Variants in PISD observed in about 807,000 individuals in gnomAD.
The protein encoded by PISD is phosphatidylserine decarboxylase, also known as phosphatidylserine decarboxylase proenzyme, mitochondrial.
Under a neutral mutation model 43.5 loss-of-function variants are expected in PISD, and 31 were observed. That is an observed-to-expected ratio of 0.71 (90% CI 0.54 to 0.96). The LOEUF is 0.96. Among genes scored for constraint, PISD ranks in the 40% least tolerant of loss-of-function variants. The probability of loss-of-function intolerance (pLI) is 0.00; values close to 1 mark genes in which losing one functional copy is unlikely to be tolerated. For synonymous variants in PISD, 259 were observed against 228.7 expected, an observed-to-expected ratio of 1.13 and a Z score of -1.20; for missense variants, 523 against 548.4, an observed-to-expected ratio of 0.95 and a Z score of 0.46.
chr22:31,624,387 C>T (rs539584054), intron 3 of PISD, among the ~76,000 whole-genome samples: 1 of 152,314 alleles, frequency 6.6e-6, no homozygotes, highest in Admixed American at 6.5e-5. Context: ...CTTCCGCTAC[C>T]ATCCTTTGCA....
intron 1 of PISD, among the ~76,000 whole-genome samples, chr22:31,653,154 G>A (rs1021545046): frequency 6.6e-6 from 1 of 151,454 alleles, no homozygotes; most frequent in Non-Finnish European, 1.5e-5. Context: ...TTACCATGAC[G>A]AGCACCACCC....
Position 31,621,540 on chromosome 22 carries a change from C to T in PISD, c.559-68G>A, listed in dbSNP as rs765439843. 1.2e-4 allele frequency: 188 copies of T among 1,604,048 alleles called. 1 individual carries two copies. Among genetic ancestry groups the T allele is most frequent in the Non-Finnish European group, 1.5e-4 (180 of 1,173,666 alleles). On this transcript the variant is annotated intron_variant, in intron 4 of 7. Transcript: ENST00000439502. The stretch of plus-strand genomic sequence containing the variant: ...TCCTCCCCCCAGGAGACAGCCCCCA[C>T]CTCCCCTTGTCATCCTGCCCCTTCC...
chr22:31,662,479 C>A, upstream of PISD: 1 of 518,156 alleles, frequency 1.9e-6, no homozygotes, highest in South Asian at 2.4e-5. Context: ...CCTCATGTAC[C>A]TGGAAAATCT....
chr22:31,640,575 GTTTTTTT>G (rs759964791), intron 3 of PISD, among the ~76,000 whole-genome samples: 3 of 91,270 alleles, frequency 3.3e-5, no homozygotes, highest in South Asian at 4.0e-4. Context: ...CGGTTTGGTT[GTTTTTTT>G]TTTTTTTTTT....
chr22:31,648,152 C>T lies in PISD; in HGVS notation c.270G>A (p.Glu90=). 1 of 1,612,510 alleles carries T rather than the reference C, an allele frequency of 6.2e-7. No individual in the cohort carries two copies. ...GAATCTCCAATCCCAGCTTCTCCAG[C>T]TCTCGCTCCCTGTACTTCTCATACT... is the stretch of plus-strand genomic sequence containing the variant. ...YRQYEKYRER[E]LEKLGLEIPP... The change falls in exon 3 of 8, where the codon GAG becomes GAA. Residue 90 remains glutamate (E), a synonymous_variant. Coordinates refer to ENST00000439502, the MANE Select transcript of PISD (RefSeq NM_001326411.2).
intron 1 of PISD, among the ~76,000 whole-genome samples, chr22:31,660,621 G>A (rs2074289958): frequency 6.6e-6 from 1 of 152,172 alleles, no homozygotes; most frequent in South Asian, 2.1e-4. Flanking sequence ...TCACACCACT[G>A]CACTCCCTCT....
At chr22:31,621,510 G>A (rs371186749) in intron 4 of PISD, 38 bp from the exon 5 acceptor site, 27 of 1,612,584 alleles carry the variant, frequency 1.7e-5, no homozygotes, top group Non-Finnish European at 2.2e-5. Flanking sequence ...AGGGAGAGCA[G>A]GGTCTCCTCC....
intron 7 of PISD, 65 bp from the exon 8 acceptor site, chr22:31,619,901 G>C: frequency 9.6e-7 from 1 of 1,037,378 alleles, no homozygotes; most frequent in Non-Finnish European, 1.4e-6. Context: ...ACCCCCACAT[G>C]TGTTTGGAGT....
In PISD at chr22:31,621,362, C is replaced by A; in HGVS notation, c.669G>T (p.Met223Ile). The change falls in exon 5 of 8, where the codon ATG becomes ATT. Residue 223 changes from methionine to isoleucine, a missense_variant. By Grantham distance (10) the Met-to-Ile change is conservative (BLOSUM62 1). Coordinates refer to ENST00000439502, the MANE Select transcript of PISD (RefSeq NM_001326411.2). ...YSLESFLGPR[M>I]CTEDLPFPPA... ...GTGGGAAGGGCAGGTCCTCTGTGCA[C>A]ATACGCGGGCCCAGGAACGACTCCA... The A allele has an allele frequency of 1.2e-6, 2 of 1,614,084 alleles. No homozygotes were observed. Among genetic ancestry groups the A allele is most frequent in the South Asian group, 2.2e-5 (2 of 91,088 alleles).
In PISD at chr22:31,630,838, C is replaced by G; in HGVS notation, c.322-8953G>C. 1.0e-6 allele frequency: 1 copy of G among 985,426 alleles called. No homozygotes were observed. Among genetic ancestry groups the G allele is most frequent in the Non-Finnish European group, 1.2e-6 (1 of 829,908 alleles). The allele number at this position is 985,426 out of a possible 1,614,324, so 61.0% of individuals were successfully genotyped here. A position where few individuals can be genotyped will look rare whatever the true frequency, so the allele number is the denominator to read the frequency against. ...GCTCCAGCTTCCGGGCTCCGACTCC[C>G]TAGGGGCGCTCCCGGAGCCGGGAAG... On this transcript the variant is annotated intron_variant, in intron 3 of 7. Transcript: ENST00000439502. This position sits in a 1 kb window ranked among gnomAD's most constrained non-coding sequence, Gnocchi z 4.4.
chr22:31,651,679 C>A (rs1177308532), intron 1 of PISD, among the ~76,000 whole-genome samples: 1 of 151,972 alleles, frequency 6.6e-6, no homozygotes, highest in Non-Finnish European at 1.5e-5. Context: ...ACCCGGGAGG[C>A]AGAGGTTGAG....
chr22:31,646,953 G>A (rs530002588), intron 3 of PISD, among the ~76,000 whole-genome samples: 32 of 152,200 alleles, frequency 2.1e-4, no homozygotes, highest in African/African-American at 7.5e-4. Context: ...GACATACAGG[G>A]CAAGAGCAGA....
intron 3 of PISD, chr22:31,628,276 T>G: frequency 2.6e-6 from 2 of 768,160 alleles, no homozygotes; most frequent in Non-Finnish European, 3.2e-6. Context: ...CCAAGCCACT[T>G]CCTTGGCCAG....
intron 3 of PISD, 137 bp from the exon 4 acceptor site, chr22:31,622,022 C>G: frequency 1.5e-6 from 1 of 670,118 alleles, no homozygotes; most frequent in Non-Finnish European, 2.6e-6. Flanking sequence ...AGGTGCCCCA[C>G]GCTGCTTTTG....
In PISD at chr22:31,619,567, C is replaced by CT; in HGVS notation, c.*44dup. On this transcript the variant is annotated 3_prime_UTR_variant, in exon 8 of 8. Coordinates refer to ENST00000439502, the MANE Select transcript of PISD (RefSeq NM_001326411.2). ...CCTCCCTCTTGAAAAGACCCTCACT[C>CT]TGTTTGGAAAAGATCCCTTAGCAGC... is the stretch of plus-strand genomic sequence containing the variant. The CT allele has an allele frequency of 6.5e-7, 1 of 1,528,034 alleles. No individual in the cohort carries two copies. Among genetic ancestry groups the CT allele is most frequent in the East Asian group, 2.3e-5 (1 of 44,392 alleles). The allele number at this position is 1,528,034 out of a possible 1,614,324, so 94.7% of individuals were successfully genotyped here. A position where few individuals can be genotyped will look rare whatever the true frequency, so the allele number is the denominator to read the frequency against.
At chr22:31,620,900 C>T (rs1433952979) in intron 6 of PISD, 96 bp downstream of exon 6, 9 of 1,451,554 alleles carry the variant, frequency 6.2e-6, no homozygotes. Context: ...GCCTCAATGA[C>T]CCTGATCTGG....
At position 31,636,039 on chromosome 22, in the gene PISD, C is replaced by T. The variant is rs922396605; in HGVS notation, c.321+12062G>A. On this transcript the variant is annotated intron_variant, in intron 3 of 7. Coordinates refer to ENST00000439502, the MANE Select transcript of PISD (RefSeq NM_001326411.2). ...CTATTTATAGATGAGAATAATAAAG[C>T]TACAGCATGTACATCGCTCACCAAC... is the stretch of plus-strand genomic sequence containing the variant. Among the ~76,000 whole-genome samples the T allele has an allele frequency of 3.3e-5, 5 of 152,334 alleles. No individual in the cohort carries two copies. In the East Asian group the frequency reaches 9.6e-4, roughly 29 times the overall value.
chr22:31,625,666 C>T lies in PISD; in HGVS notation c.322-3781G>A, dbSNP rs907240922. 2.5e-5 allele frequency: 37 copies of T among 1,468,698 alleles called. No homozygotes were observed. In the Middle Eastern group the frequency reaches 5.2e-4, roughly 20 times the overall value. The allele number at this position is 1,468,698 out of a possible 1,614,324, so 91.0% of individuals were successfully genotyped here. ...GGGGGCTGACCACCAGTCCCCTTGCCGCCACCTCTACTGCGAGGCCGCTGG... is the reference window on the plus strand; with the variant it reads ...GGGGGCTGACCACCAGTCCCCTTGCTGCCACCTCTACTGCGAGGCCGCTGG... On this transcript the variant is annotated intron_variant, in intron 3 of 7. Transcript: ENST00000439502.
At chr22:31,653,534 C>T (rs1220974455) in intron 1 of PISD, among the ~76,000 whole-genome samples, 1 of 152,208 alleles carries the variant, frequency 6.6e-6, no homozygotes, top group Non-Finnish European at 1.5e-5. Flanking sequence ...TATCCATCTT[C>T]CCCCTCAGGA....
Sources: gnomAD v4.1 joint callset for allele counts (sites outside exome capture counted in the v4.1 genomes callset) on GRCh38, gnomAD v4.1.1 for gene constraint, Gnocchi (gnomAD v3.1) non-coding constraint, MANE v1.5 for transcripts, NCBI Gene and HGNC (gene_info 2026-07-23, HGNC 2026-07-21) for gene names.